Variants in GSTCD observed in about 807,000 individuals in gnomAD.
The protein encoded by GSTCD is glutathione S-transferase C-terminal domain-containing protein.
A neutral mutation model predicts 68.3 loss-of-function variants in GSTCD; 44 were observed. The observed-to-expected ratio is 0.64, with a 90% confidence interval of 0.51 to 0.83. The LOEUF is 0.83. Among genes scored for constraint, GSTCD ranks in the 40% least tolerant of loss-of-function variants. GSTCD has a pLI of 0.00. For missense variants in GSTCD, 739 were observed against 735.9 expected (o/e 1.00, Z -0.05); for synonymous variants, 273 against 255.2 (o/e 1.07, Z -0.67).
Position 105,753,313 on chromosome 4 carries a change from A to G in GSTCD, c.1240+23814A>G, listed in dbSNP as rs566598559. The G allele has an allele frequency of 2.6e-5, 4 of 152,224 alleles. No individual in the cohort carries two copies. In the East Asian group the frequency reaches 7.7e-4, roughly 29 times the overall value. The allele number at this position is 152,224 out of a possible 1,614,324, so 9.4% of individuals were successfully genotyped here. A position where few individuals can be genotyped will look rare whatever the true frequency, so the allele number is the denominator to read the frequency against. On this transcript the variant is annotated intron_variant, in intron 5 of 11. Coordinates refer to ENST00000515279, the MANE Select transcript of GSTCD (RefSeq NM_001370181.1). Reference sequence around the variant, plus strand: ...AAATAATGTTTTCTCTGAAACAAAGATAGTTGCAATAAAGCATTTAGTTCC... The same window carrying G: ...AAATAATGTTTTCTCTGAAACAAAGGTAGTTGCAATAAAGCATTTAGTTCC...
intron 5 of GSTCD, among the ~76,000 whole-genome samples, chr4:105,777,041 A>G (rs1419251686): frequency 6.6e-6 from 1 of 152,196 alleles, no homozygotes; most frequent in Non-Finnish European, 1.5e-5. Context: ...CACATTGAGC[A>G]TCTGTTCTGG....
chr4:105,775,622 TG>T (rs1735026865), intron 5 of GSTCD, among the ~76,000 whole-genome samples: 1 of 152,234 alleles, frequency 6.6e-6, no homozygotes, highest in African/African-American at 2.4e-5. Context: ...GCAGGTCTGC[TG>T]GAGTTTGCTG....
At position 105,733,216 on chromosome 4, in the gene GSTCD, G is replaced by A. The variant is rs554269691; in HGVS notation, c.1240+3717G>A. Among the ~76,000 whole-genome samples the A allele has an allele frequency of 4.6e-5, 7 of 152,252 alleles. No individual in the cohort carries two copies. In the South Asian group the frequency reaches 1.0e-3, roughly 23 times the overall value. ...ATGTGTATTTGGTTTGCTTGGTGTG[G>A]AGCTGAGTTCAATTCCTGGCTATCC... On this transcript the variant is annotated intron_variant, in intron 5 of 11. Coordinates refer to ENST00000515279, the MANE Select transcript of GSTCD (RefSeq NM_001370181.1).
chr4:105,744,701 A>C (rs1733743563), intron 5 of GSTCD, among the ~76,000 whole-genome samples: 1 of 152,160 alleles, frequency 6.6e-6, no homozygotes, highest in South Asian at 2.1e-4. Flanking sequence ...ATAACAACAT[A>C]TTACAGGCTT....
At chr4:105,809,731 A>G (rs969569779) in intron 5 of GSTCD, among the ~76,000 whole-genome samples, 12 of 151,896 alleles carry the variant, frequency 7.9e-5, no homozygotes, top group Non-Finnish European at 1.8e-4. Flanking sequence ...TATTCTATTA[A>G]TGACGACAAG....
Position 105,837,897 on chromosome 4 carries a change from TA to T in GSTCD, c.1695+13del. On this transcript the variant is annotated intron_variant, in intron 10 of 11. Coordinates refer to ENST00000515279, the MANE Select transcript of GSTCD (RefSeq NM_001370181.1). Reference sequence around the variant, plus strand: ...AAAACTTTATCATACAAGGTAACCTTAAAAAGATCTAGATATCATCCTAATA... The same window carrying T: ...AAAACTTTATCATACAAGGTAACCTTAAAAGATCTAGATATCATCCTAATA... The T allele has an allele frequency of 9.4e-7, 1 of 1,065,626 alleles. No individual in the cohort carries two copies. The highest frequency in any genetic ancestry group is 1.4e-6 in the Non-Finnish European group (1 of 729,330). 66.0% of individuals were successfully genotyped at this position (1,065,626 alleles called of 1,614,324 possible).
chr4:105,766,885 C>CTTTTTTTTTTTTTTTTTT (rs1491149179), intron 5 of GSTCD, among the ~76,000 whole-genome samples: 1 of 23,038 alleles, frequency 4.3e-5, no homozygotes, highest in African/African-American at 1.7e-4. Context: ...AGGTTTTTGA[C>CTTTTTTTTTTTTTTTTTT]TCTTTTTTTT....
chr4:105,776,793 C>T (rs1735084573), intron 5 of GSTCD, among the ~76,000 whole-genome samples: 4 of 152,178 alleles, frequency 2.6e-5, no homozygotes, highest in Admixed American at 1.3e-4. Context: ...GCCAGCTTGC[C>T]AGCCTGATAC....
intron 5 of GSTCD, among the ~76,000 whole-genome samples, chr4:105,750,201 C>T (rs946659798): frequency 9.9e-5 from 15 of 152,008 alleles, no homozygotes; most frequent in East Asian, 3.9e-4. Context: ...TGGTGGCTCA[C>T]GCCTGTAATC....
chr4:105,711,437 T>A (rs1213067701), intron 1 of GSTCD, among the ~76,000 whole-genome samples: 3 of 152,258 alleles, frequency 2.0e-5, no homozygotes, highest in Non-Finnish European at 2.9e-5. Flanking sequence ...GAAAAACTTT[T>A]CAATCAATAT....
intron 3 of GSTCD, among the ~76,000 whole-genome samples, chr4:105,720,980 C>CTT (rs370975640): frequency 1.4e-5 from 2 of 146,142 alleles, no homozygotes; most frequent in Non-Finnish European, 1.5e-5. Flanking sequence ...ATTTTTTTTT[C>CTT]TTTTTTTTTT....
intron 5 of GSTCD, among the ~76,000 whole-genome samples, chr4:105,795,477 G>A (rs1023686364): frequency 6.6e-6 from 1 of 152,040 alleles, no homozygotes; most frequent in Admixed American, 6.5e-5. Context: ...CTAATCCAGT[G>A]TATGATCAAT....
intron 5 of GSTCD, among the ~76,000 whole-genome samples, chr4:105,776,903 C>G (rs1051121384): frequency 6.6e-6 from 1 of 152,146 alleles, no homozygotes; most frequent in Non-Finnish European, 1.5e-5. Flanking sequence ...CCATCCATCT[C>G]TACTATGCTG....
chr4:105,725,729 G>A (rs72671853), intron 3 of GSTCD, among the ~76,000 whole-genome samples: 8,177 of 151,970 alleles, frequency 0.054, 251 homozygotes, highest in Middle Eastern at 0.14. Flanking sequence ...TCATAAAAAC[G>A]TATAAGACAC....
At chr4:105,769,239 A>ACACAC (rs1734743752) in intron 5 of GSTCD, among the ~76,000 whole-genome samples, 4 of 8,212 alleles carry the variant, frequency 4.9e-4, no homozygotes, top group Admixed American at 1.2e-3. Flanking sequence ...GCGCGCACAC[A>ACACAC]CACACACACA....
At chr4:105,842,171 T>G in intron 11 of GSTCD, 37 bp downstream of exon 11, 1 of 1,515,906 alleles carries the variant, frequency 6.6e-7, no homozygotes, top group Non-Finnish European at 9.2e-7. Context: ...GAGTGTATTA[T>G]GCACAATATG....
At chr4:105,829,187 TAAAAAAAAAA>T (rs761947774) in intron 8 of GSTCD, among the ~76,000 whole-genome samples, 1 of 114,948 alleles carries the variant, frequency 8.7e-6, no homozygotes, top group African/African-American at 3.2e-5. Flanking sequence ...CAGCTATAAT[TAAAAAAAAAA>T]AAAAAAAAAA....
intron 5 of GSTCD, among the ~76,000 whole-genome samples, chr4:105,730,044 C>T (rs570399026): frequency 6.6e-6 from 1 of 152,308 alleles, no homozygotes; most frequent in African/African-American, 2.4e-5. Flanking sequence ...TTTCCAGCTT[C>T]ACCCATGTCC....
chr4:105,727,427 G>A (rs911282348), intron 4 of GSTCD, among the ~76,000 whole-genome samples: 16 of 151,696 alleles, frequency 1.1e-4, no homozygotes, highest in Non-Finnish European at 1.9e-4. Context: ...AGGAGGCTAA[G>A]GCACCAGAAT....
Sources: gnomAD v4.1 joint callset for allele counts (sites outside exome capture counted in the v4.1 genomes callset) on GRCh38, gnomAD v4.1.1 for gene constraint, MANE v1.5 for transcripts, NCBI Gene and HGNC (gene_info 2026-07-23, HGNC 2026-07-21) for gene names.